Variants in GRID1 observed in about 807,000 individuals in gnomAD.
GRID1 encodes glutamate ionotropic receptor delta type subunit 1.
In GRID1, 28 loss-of-function variants were observed where a neutral mutation model predicts 98.0. The ratio of observed to expected loss-of-function variants is 0.29; its 90% CI spans 0.21 to 0.39. The LOEUF is 0.39. Ranked by LOEUF, GRID1 falls within the 10% of genes least tolerant of loss-of-function variation. The probability of loss-of-function intolerance (pLI) is 1.00; values close to 1 mark genes in which losing one functional copy is unlikely to be tolerated. For synonymous variants in GRID1, 553 were observed against 538.5 expected, an observed-to-expected ratio of 1.03 and a Z score of -0.37; for missense variants, 1,111 against 1,340.5, an observed-to-expected ratio of 0.83 and a Z score of 2.67.
chr10:85,876,163 C>T (rs1036985038), intron 5 of GRID1, among the ~76,000 whole-genome samples: 25 of 152,098 alleles, frequency 1.6e-4, no homozygotes, highest in African/African-American at 5.8e-4. Context: ...AAACTTAGTG[C>T]TTCAGAATAA....
intron 2 of GRID1, among the ~76,000 whole-genome samples, chr10:86,357,835 A>C (rs957332732): frequency 1.3e-5 from 2 of 152,142 alleles, no homozygotes; most frequent in African/African-American, 4.8e-5. Flanking sequence ...TATCACTGGC[A>C]GTAGCCCTTG....
chr10:86,338,244 T>C lies in GRID1; in HGVS notation c.235+25697A>G, dbSNP rs114638164. On this transcript the variant is annotated intron_variant, in intron 2 of 15. Coordinates refer to ENST00000327946, the MANE Select transcript of GRID1 (RefSeq NM_017551.3). ...TTCCCTTGTTGCACTGATTGGTTCATGGATAAGCACATGAACCAGGGTGGG... is the reference window on the plus strand; with the variant it reads ...TTCCCTTGTTGCACTGATTGGTTCACGGATAAGCACATGAACCAGGGTGGG... 5.9e-3 allele frequency among the ~76,000 whole-genome samples: 880 copies of C among 149,246 alleles called. 9 individuals are homozygous for C. The highest frequency in any genetic ancestry group is 0.021 in the African/African-American group (835 of 39,680).
At chr10:86,156,358 C>T (rs1454304928) in intron 3 of GRID1, among the ~76,000 whole-genome samples, 1 of 152,214 alleles carries the variant, frequency 6.6e-6, no homozygotes, top group Non-Finnish European at 1.5e-5. Flanking sequence ...CAGAAGAGGT[C>T]ACATGATTCA....
chr10:86,068,554 T>C lies in GRID1; in HGVS notation c.726+70265A>G, dbSNP rs1009422121. On this transcript the variant is annotated intron_variant, in intron 4 of 15. Transcript: ENST00000327946. ...TTTTAATTCAGAATGTATATTTCAC[T>C]GGTCAATAGATTGAGGCAAATGTTC... Among the ~76,000 whole-genome samples the C allele has an allele frequency of 7.2e-5, 11 of 152,226 alleles. No homozygotes were observed. In the South Asian group the frequency reaches 8.3e-4, roughly 11 times the overall value.
At chr10:86,147,272 C>T (rs1047621410) in intron 3 of GRID1, among the ~76,000 whole-genome samples, 2 of 152,160 alleles carry the variant, frequency 1.3e-5, no homozygotes, top group African/African-American at 2.4e-5. Flanking sequence ...AAAGCTCTAC[C>T]CTCTGTATTA....
chr10:86,009,157 A>AT (rs963207723), intron 4 of GRID1, among the ~76,000 whole-genome samples: 2 of 152,030 alleles, frequency 1.3e-5, no homozygotes, highest in South Asian at 2.1e-4. Flanking sequence ...AAAGTGGACA[A>AT]TTTTTTTTGA....
At position 85,601,472 on chromosome 10, in the gene GRID1, A is replaced by C. The variant is rs556458234; in HGVS notation, c.*801T>G. The C allele has an allele frequency of 6.6e-6, 1 of 152,268 alleles. No individual in the cohort carries two copies. Among genetic ancestry groups the C allele is most frequent in the African/African-American group, 2.4e-5 (1 of 41,542 alleles). 9.4% of individuals were successfully genotyped at this position (152,268 alleles called of 1,614,324 possible). On this transcript the variant is annotated 3_prime_UTR_variant, in exon 16 of 16. Transcript: ENST00000327946. ...CGATGGAGTCTGCCCTCCTTCCCCC[A>C]ATATTCTATCACTTTTTGATTCTTC...
intron 3 of GRID1, among the ~76,000 whole-genome samples, chr10:86,170,159 C>T (rs571059322): frequency 3.9e-5 from 6 of 152,376 alleles, no homozygotes; most frequent in Non-Finnish European, 8.8e-5. Context: ...CGGTGCCCAA[C>T]GTGACACCTA....
At chr10:85,985,413 G>A (rs74588998) in intron 4 of GRID1, among the ~76,000 whole-genome samples, 1 of 152,224 alleles carries the variant, frequency 6.6e-6, no homozygotes, top group Non-Finnish European at 1.5e-5. Context: ...CTGTAAGCTA[G>A]CAGGTGACAC....
intron 2 of GRID1, among the ~76,000 whole-genome samples, chr10:86,258,302 T>C (rs1846958035): frequency 6.6e-6 from 1 of 152,196 alleles, no homozygotes; most frequent in Admixed American, 6.5e-5. Flanking sequence ...TCTGTATGAT[T>C]CTAATAGAAT....
rs558384265 is a variant in GRID1, at chr10:85,656,131, G to A, written c.1998-8734C>T. On this transcript the variant is annotated intron_variant, in intron 12 of 15. Coordinates refer to ENST00000327946, the MANE Select transcript of GRID1 (RefSeq NM_017551.3). ...GGCTTACTCCAGTTTTCATCCCTCT[G>A]CTGATCTGAAACAACTTTCATCAAG... Among the ~76,000 whole-genome samples the A allele has an allele frequency of 1.1e-4, 16 of 152,162 alleles. No individual in the cohort carries two copies. In the South Asian group the frequency reaches 3.3e-3, roughly 32 times the overall value.
In GRID1 at chr10:85,738,244, G is replaced by A. The variant is rs188319207; in HGVS notation, c.1234-8630C>T. Among the ~76,000 whole-genome samples, 62 of 152,272 alleles carry A rather than the reference G, an allele frequency of 4.1e-4. No homozygotes were observed. In the East Asian group the frequency reaches 7.1e-3, roughly 18 times the overall value. ...TACAGAAAGGACTTATTTTTCCAAA[G>A]AGGAAGACATGTGATAGGCCAATAT... On this transcript the variant is annotated intron_variant, in intron 8 of 15. Coordinates refer to ENST00000327946, the MANE Select transcript of GRID1 (RefSeq NM_017551.3).
intron 10 of GRID1, among the ~76,000 whole-genome samples, chr10:85,727,348 C>T (rs60803809): frequency 4.6e-5 from 7 of 152,160 alleles, no homozygotes; most frequent in South Asian, 4.1e-4. Flanking sequence ...CCTCATGCCA[C>T]GAGTTTCAAT....
intron 4 of GRID1, among the ~76,000 whole-genome samples, chr10:85,962,134 C>T (rs1564636423): frequency 6.6e-6 from 1 of 152,164 alleles, no homozygotes; most frequent in African/African-American, 2.4e-5. Context: ...GGTCAGGCCT[C>T]CTCACTGGTC....
chr10:86,102,782 T>C (rs1844316413), intron 4 of GRID1, among the ~76,000 whole-genome samples: 1 of 151,958 alleles, frequency 6.6e-6, no homozygotes, highest in South Asian at 2.1e-4. Flanking sequence ...GCAGGTGATA[T>C]GGTTTGGCTG....
intron 13 of GRID1, among the ~76,000 whole-genome samples, chr10:85,625,079 G>A (rs889454394): frequency 3.9e-5 from 6 of 152,032 alleles, no homozygotes; most frequent in South Asian, 2.1e-4. Flanking sequence ...TGATAGATAC[G>A]GTATTATTAC....
At chr10:86,146,070 G>A (rs1367180177) in intron 3 of GRID1, among the ~76,000 whole-genome samples, 5 of 152,146 alleles carry the variant, frequency 3.3e-5, no homozygotes, top group East Asian at 3.9e-4. Context: ...TAATTGAAGC[G>A]AAAGAAGACA....
rs535801750 is a variant in GRID1 at position 85,992,630 on chromosome 10, T to C, written c.727-76391A>G. Among the ~76,000 whole-genome samples the C allele has an allele frequency of 2.8e-3, 416 of 150,504 alleles. 2 individuals carry two copies. Among genetic ancestry groups the C allele is most frequent in the African/African-American group, 9.6e-3 (395 of 40,964 alleles). ...TGAGGAGAGGTGGGGGGGGAACAAA[T>C]GGTAAGAGCTAGAATAAGCTAGAAA... is the stretch of plus-strand genomic sequence containing the variant. On this transcript the variant is annotated intron_variant, in intron 4 of 15. Coordinates refer to ENST00000327946, the MANE Select transcript of GRID1 (RefSeq NM_017551.3).
chr10:85,866,860 G>T (rs1843226250), intron 6 of GRID1, among the ~76,000 whole-genome samples: 1 of 152,168 alleles, frequency 6.6e-6, no homozygotes, highest in Non-Finnish European at 1.5e-5. Flanking sequence ...ATTACTACAA[G>T]ATTCCTGTAG....
Sources: gnomAD v4.1 joint callset for allele counts (sites outside exome capture counted in the v4.1 genomes callset) on GRCh38, gnomAD v4.1.1 for gene constraint, MANE v1.5 for transcripts, NCBI Gene and HGNC (gene_info 2026-07-23, HGNC 2026-07-21) for gene names.